Variants in CD3G observed in about 807,000 individuals in gnomAD.
CD3G encodes T-cell surface glycoprotein CD3 gamma chain.
CD3G carries 24 observed loss-of-function variants against 28.3 expected under a neutral mutation model. The observed-to-expected ratio is 0.85, with a 90% confidence interval of 0.61 to 1.19. CD3G has a LOEUF of 1.19. Among genes scored for constraint, CD3G ranks in the 50% most tolerant of loss-of-function variants. The pLI, the probability that CD3G is intolerant of heterozygous loss-of-function variation, is 0.00. For missense variants in CD3G, 211 were observed against 210.0 expected, an observed-to-expected ratio of 1.00 and a Z score of -0.03; for synonymous variants, 71 against 75.9, an observed-to-expected ratio of 0.93 and a Z score of 0.34.
intron 1 of CD3G, among the ~76,000 whole-genome samples, chr11:118,346,610 G>A (rs560701846): frequency 2.0e-5 from 3 of 152,130 alleles, no homozygotes; most frequent in African/African-American, 7.2e-5. Flanking sequence ...GAGCCCAGGA[G>A]TTCAAGACCA....
chr11:118,348,442 G>A (rs753937863), intron 1 of CD3G, among the ~76,000 whole-genome samples: 1 of 152,102 alleles, frequency 6.6e-6, no homozygotes, highest in African/African-American at 2.4e-5. Flanking sequence ...GGAGGGTCCC[G>A]AACACAGAGC....
chr11:118,352,532 C>G (rs1282746922), intron 6 of CD3G, 45 bp downstream of exon 6: 13 of 1,287,742 alleles, frequency 1.0e-5, no homozygotes, highest in Non-Finnish European at 1.5e-5. Flanking sequence ...CTTGCATCAA[C>G]TGCCCTCGCA....
intron 4 of CD3G, 73 bp from the exon 5 acceptor site, chr11:118,351,555 A>G: frequency 1.5e-6 from 2 of 1,347,588 alleles, no homozygotes; most frequent in Non-Finnish European, 2.1e-6. Flanking sequence ...GTTATTTAGT[A>G]TTCCATTTTG....
rs2134074133 is a variant in CD3G, at chr11:118,354,203, C to T, written c.*1103C>T. 1.3e-5 allele frequency: 2 copies of T among 152,210 alleles called. No homozygotes were observed. The highest frequency in any genetic ancestry group is 4.1e-4 in the South Asian group (2 of 4,824). 9.4% of individuals were successfully genotyped at this position (152,210 alleles called of 1,614,324 possible). ...AATCCACCCATCTTAAGTGATTTCACCTGTTCTCAGAAATTTTTAGTAAAT... is the reference window on the plus strand; with the variant it reads ...AATCCACCCATCTTAAGTGATTTCATCTGTTCTCAGAAATTTTTAGTAAAT... On this transcript the variant is annotated 3_prime_UTR_variant, in exon 7 of 7. Transcript: ENST00000532917.
rs1827712559 is a variant in CD3G at position 118,354,725 on chromosome 11, G to A, written c.*1625G>A. The A allele has an allele frequency of 6.6e-6, 1 of 152,006 alleles. No homozygotes were observed. Among genetic ancestry groups the A allele is most frequent in the South Asian group, 2.1e-4 (1 of 4,822 alleles). 9.4% of individuals were successfully genotyped at this position (152,006 alleles called of 1,614,324 possible). ...CATTTCCCTAGATACTAACCATGCT[G>A]AGTGTCCTGTCTTGTGTTTATTAAC... is the stretch of plus-strand genomic sequence containing the variant. On this transcript the variant is annotated 3_prime_UTR_variant, in exon 7 of 7. Transcript: ENST00000532917.
At chr11:118,350,073 A>T (rs1948392719) in intron 3 of CD3G, 103 bp downstream of exon 3, 14 of 840,102 alleles carry the variant, frequency 1.7e-5, no homozygotes, top group Non-Finnish European at 2.8e-5. Flanking sequence ...CCTCAACAGT[A>T]ATATTATCGC....
chr11:118,350,480 A>G, intron 3 of CD3G, 72 bp from the exon 4 acceptor site: 1 of 1,074,424 alleles, frequency 9.3e-7, no homozygotes, highest in Non-Finnish European at 1.4e-6. Flanking sequence ...ATTATTGCAG[A>G]CAGGCAGGAG....
Position 118,354,368 on chromosome 11 carries a change from TC to T in CD3G, c.*1269del, listed in dbSNP as rs1229513035. ...CCCAGGCTGGAGTGCAGTGGCGCGA[TC>T]TCAGCTCACTGCAACCTCCACCTCC... On this transcript the variant is annotated 3_prime_UTR_variant, in exon 7 of 7. Coordinates refer to ENST00000532917, the MANE Select transcript of CD3G (RefSeq NM_000073.3). 6.7e-6 allele frequency: 1 copy of T among 150,298 alleles called. No homozygotes were observed. The highest frequency in any genetic ancestry group is 1.5e-5 in the Non-Finnish European group (1 of 67,824). 9.3% of individuals were successfully genotyped at this position (150,298 alleles called of 1,614,324 possible). A position where few individuals can be genotyped will look rare whatever the true frequency, so the allele number is the denominator to read the frequency against.
chr11:118,348,877 T>C, intron 1 of CD3G, 150 bp from the exon 2 acceptor site: 2 of 855,724 alleles, frequency 2.3e-6, no homozygotes, highest in Non-Finnish European at 2.0e-6. Flanking sequence ...AGTGATTTAG[T>C]CTACAATCCG....
intron 2 of CD3G, chr11:118,349,450 C>A: frequency 3.1e-6 from 2 of 649,218 alleles, no homozygotes; most frequent in Non-Finnish European, 5.0e-6. Flanking sequence ...TAGTATCTTC[C>A]AAATAACATG....
intron 5 of CD3G, 74 bp downstream of exon 5, chr11:118,351,745 A>G: frequency 7.3e-7 from 1 of 1,374,502 alleles, no homozygotes; most frequent in South Asian, 1.2e-5. Context: ...GGGGCATGTT[A>G]TTTGGAAGAT....
At chr11:118,345,493 A>C (rs1948347193) in intron 1 of CD3G, among the ~76,000 whole-genome samples, 1 of 152,246 alleles carries the variant, frequency 6.6e-6, no homozygotes, top group Non-Finnish European at 1.5e-5. Context: ...TGATGAGGTC[A>C]GCAAGTGTAG....
intron 4 of CD3G, 40 bp downstream of exon 4, chr11:118,350,723 G>T (rs1202948089): frequency 6.2e-7 from 1 of 1,612,970 alleles, no homozygotes; most frequent in East Asian, 2.2e-5. Flanking sequence ...GACCACCTGA[G>T]ACCCTCAGCT....
chr11:118,349,658 T>C, intron 2 of CD3G, 85 bp from the exon 3 acceptor site: 1 of 1,020,746 alleles, frequency 9.8e-7, no homozygotes, highest in Non-Finnish European at 1.5e-6. Context: ...TGAGAAACAC[T>C]ACTCTAATGA....
intron 1 of CD3G, among the ~76,000 whole-genome samples, chr11:118,344,774 A>G (rs1340062908): frequency 6.6e-6 from 1 of 152,250 alleles, no homozygotes; most frequent in Non-Finnish European, 1.5e-5. Context: ...GGCATAGGCC[A>G]AGAAACTAAA....
Position 118,351,651 on chromosome 11 carries a change from C to G in CD3G, c.463C>G (p.Pro155Ala). Reference protein sequence around the residue: ...SRASDKQTLLPNDQLYQPLKD... With the variant: ...SRASDKQTLLANDQLYQPLKD... ...AGCTTCAGACAAGCAGACTCTGTTG[C>G]CCAATGACCAGCTCTACCAGGTAAG... The change falls in exon 5 of 7, where the codon CCC becomes GCC. Residue 155 changes from proline (P) to alanine (A), a missense_variant. By Grantham distance (27) the Pro-to-Ala change is conservative. Coordinates refer to ENST00000532917, the MANE Select transcript of CD3G (RefSeq NM_000073.3). 1 of 1,613,864 alleles carries G rather than the reference C, an allele frequency of 6.2e-7. No homozygotes were observed. Among genetic ancestry groups the G allele is most frequent in the Non-Finnish European group, 8.5e-7 (1 of 1,179,894 alleles).
At chr11:118,349,177 GTC>G in intron 2 of CD3G, 127 bp downstream of exon 2, 3 of 1,604,368 alleles carry the variant, frequency 1.9e-6, no homozygotes, top group Non-Finnish European at 2.6e-6. Context: ...GAGAGGTGAT[GTC>G]TCTATTGTCA....
chr11:118,348,752 C>G (rs1415624546), intron 1 of CD3G, among the ~76,000 whole-genome samples: 1 of 152,160 alleles, frequency 6.6e-6, no homozygotes, highest in Non-Finnish European at 1.5e-5. Flanking sequence ...AAGGATCCAC[C>G]ACAGATAACA....
At chr11:118,351,538 T>G (rs1289955958) in intron 4 of CD3G, 90 bp from the exon 5 acceptor site, 6 of 1,207,642 alleles carry the variant, frequency 5.0e-6, no homozygotes, top group Non-Finnish European at 6.2e-6. Context: ...TATATAAAAC[T>G]CTTATTGTTA....
Sources: gnomAD v4.1 joint callset for allele counts (sites outside exome capture counted in the v4.1 genomes callset) on GRCh38, gnomAD v4.1.1 for gene constraint, MANE v1.5 for transcripts, NCBI Gene and HGNC (gene_info 2026-07-23, HGNC 2026-07-21) for gene names.